The following PHF13 variants were observed in gnomAD, a reference collection of about 807,000 sequenced individuals.
PHF13 encodes PHD finger protein 13, also known as PHD zinc finger protein PHF5.
Under a neutral mutation model 25.8 loss-of-function variants are expected in PHF13, and 1 was observed. The ratio of observed to expected loss-of-function variants is 0.04; its 90% CI spans 0.01 to 0.18. PHF13 has a LOEUF of 0.18. Ranked by LOEUF, PHF13 falls within the 10% of genes least tolerant of loss-of-function variation. PHF13 has a pLI of 1.00. For missense variants in PHF13, 306 were observed against 403.2 expected (o/e 0.76, Z 2.06); for synonymous variants, 195 against 162.4 (o/e 1.20, Z -1.53).
chr1:6,621,924 G>A lies in PHF13; in HGVS notation c.*287G>A. On this transcript the variant is annotated 3_prime_UTR_variant, in exon 4 of 4. Transcript: ENST00000377648. The surrounding 1 kb of genome is among the most constrained non-coding windows in gnomAD (Gnocchi z 4.8). Reference sequence around the variant, plus strand: ...GGCTCATTTGAAAATGAGGGTCCGTGGTAGCTGTGCGTTTTGCTATCATTG... The same window carrying A: ...GGCTCATTTGAAAATGAGGGTCCGTAGTAGCTGTGCGTTTTGCTATCATTG... 1 of 490,526 alleles carries A rather than the reference G, an allele frequency of 2.0e-6. No individual in the cohort carries two copies. The highest frequency in any genetic ancestry group is 3.7e-6 in the Non-Finnish European group (1 of 267,546). 30.4% of individuals were successfully genotyped at this position (490,526 alleles called of 1,614,324 possible).
rs14057 is a variant in PHF13 at position 6,623,180 on chromosome 1, G to A, written c.*1543G>A. On this transcript the variant is annotated 3_prime_UTR_variant, in exon 4 of 4. Transcript: ENST00000377648. ...CACCTTCTCCCACTGAAGCACCAAG[G>A]GGCTTGAACCGTAATTTGGCTAATC... 0.34 allele frequency: 52,028 copies of A among 152,136 alleles called. 9,178 individuals carry two copies. The highest frequency in any genetic ancestry group is 0.49 in the South Asian group (2,349 of 4,822). The allele number at this position is 152,136 out of a possible 1,614,324, so 9.4% of individuals were successfully genotyped here.
Position 6,614,065 on chromosome 1 carries a change from A to G in PHF13, c.-2A>G. Reference sequence around the variant, plus strand: ...CAGCCGCCGCCGCCCCCCGCCCGGAACATGGACTCTGACTCTTGCGCCGCC... The same window carrying G: ...CAGCCGCCGCCGCCCCCCGCCCGGAGCATGGACTCTGACTCTTGCGCCGCC... On this transcript the variant is annotated 5_prime_UTR_variant, in exon 1 of 4. Coordinates refer to ENST00000377648, the MANE Select transcript of PHF13 (RefSeq NM_153812.3). The G allele has an allele frequency of 6.3e-7, 1 of 1,574,834 alleles. No homozygotes were observed. Among genetic ancestry groups the G allele is most frequent in the South Asian group, 1.1e-5 (1 of 89,096 alleles).
rs2148712211 is a variant in PHF13 at position 6,623,991 on chromosome 1, T to TTGAA, written c.*2355_*2356insGAAT. On this transcript the variant is annotated 3_prime_UTR_variant, in exon 4 of 4. Coordinates refer to ENST00000377648, the MANE Select transcript of PHF13 (RefSeq NM_153812.3). ...AAATAAATATATTGCTACTTTGAGGTTCATGATTCAAGGTTCAGGCGATTG... is the reference window on the plus strand; with the variant it reads ...AAATAAATATATTGCTACTTTGAGGTTGAATCATGATTCAAGGTTCAGGCGATTG... 1 of 152,680 alleles carries TTGAA rather than the reference T, an allele frequency of 6.5e-6. No individual in the cohort carries two copies. The highest frequency in any genetic ancestry group is 2.4e-5 in the African/African-American group (1 of 41,558). The allele number at this position is 152,680 out of a possible 1,614,324, so 9.5% of individuals were successfully genotyped here.
chr1:6,616,712 G>A, intron 1 of PHF13, 45 bp from the exon 2 acceptor site: 1 of 1,522,360 alleles, frequency 6.6e-7, no homozygotes, highest in Non-Finnish European at 9.1e-7. Context: ...ATTCCGCCTG[G>A]AAGCCTCTCC....
intron 2 of PHF13, among the ~76,000 whole-genome samples, chr1:6,618,077 G>A (rs961349645): frequency 2.6e-5 from 4 of 151,998 alleles, no homozygotes; most frequent in African/African-American, 4.8e-5. Flanking sequence ...GGAGGAGAGC[G>A]GCTGTGGTGC....
rs371600650 is a variant in PHF13 at position 6,614,063 on chromosome 1, G to C, written c.-4G>C. On this transcript the variant is annotated 5_prime_UTR_variant, in exon 1 of 4. Coordinates refer to ENST00000377648, the MANE Select transcript of PHF13 (RefSeq NM_153812.3). ...CGCAGCCGCCGCCGCCCCCCGCCCG[G>C]AACATGGACTCTGACTCTTGCGCCG... The C allele has an allele frequency of 6.3e-7, 1 of 1,591,810 alleles. No individual in the cohort carries two copies.
At position 6,620,092 on chromosome 1, in the gene PHF13, C is replaced by G. The variant is rs754727803; in HGVS notation, c.431C>G (p.Ala144Gly). The change falls in exon 3 of 4, where the codon GCC (alanine) becomes GGC (glycine). Residue 144 changes from alanine to glycine, a missense_variant. Coordinates refer to ENST00000377648, the MANE Select transcript of PHF13 (RefSeq NM_153812.3). ...AGGGGGGGCTTGCTGAAGCTGGAAG[C>G]CGCTGACCCCTACGTGGAGACCCCC... ...GYRGGLLKLE[A>G]ADPYVETPTS... The G allele has an allele frequency of 1.9e-6, 3 of 1,613,492 alleles. No individual in the cohort carries two copies. The highest frequency in any genetic ancestry group is 3.3e-5 in the Admixed American group (2 of 60,002).
chr1:6,619,728 G>A lies in PHF13; in HGVS notation c.142-75G>A, dbSNP rs1026389357. 7.6e-6 allele frequency: 11 copies of A among 1,441,808 alleles called. No homozygotes were observed. In the African/African-American group the frequency reaches 1.6e-4, roughly 20 times the overall value. The allele number at this position is 1,441,808 out of a possible 1,614,324, so 89.3% of individuals were successfully genotyped here. A position where few individuals can be genotyped will look rare whatever the true frequency, so the allele number is the denominator to read the frequency against. Reference sequence around the variant, plus strand: ...ATGTCTCTGGAGGTCTGACATGGCTGGGTGGCTGGGGATGCTCTGCTCTGG... The same window carrying A: ...ATGTCTCTGGAGGTCTGACATGGCTAGGTGGCTGGGGATGCTCTGCTCTGG... On this transcript the variant is annotated intron_variant, in intron 2 of 3. Coordinates refer to ENST00000377648, the MANE Select transcript of PHF13 (RefSeq NM_153812.3).
intron 2 of PHF13, 91 bp downstream of exon 2, chr1:6,616,949 G>A: frequency 1.8e-6 from 2 of 1,096,940 alleles, no homozygotes; most frequent in Non-Finnish European, 2.8e-6. Flanking sequence ...TGGTCAGAGG[G>A]TCAGTAGGTT....
chr1:6,618,585 T>G (rs1168498979), intron 2 of PHF13, among the ~76,000 whole-genome samples: 3 of 152,226 alleles, frequency 2.0e-5, no homozygotes, highest in Non-Finnish European at 2.9e-5. Flanking sequence ...GCAGGCAAAC[T>G]GCCAGCATTG....
rs774995685 is a variant in PHF13 at position 6,616,872 on chromosome 1, TTTC to T, written c.141+16_141+18del. On this transcript the variant is annotated intron_variant, in intron 2 of 3. Coordinates refer to ENST00000377648, the MANE Select transcript of PHF13 (RefSeq NM_153812.3). ...TATCCGAAGGAGGTAATCTTCTGAGTTTCTGAGACCTTTCTTGATGAGTAGTCA... is the reference window on the plus strand; with the variant it reads ...TATCCGAAGGAGGTAATCTTCTGAGTTGAGACCTTTCTTGATGAGTAGTCA... 6.2e-7 allele frequency: 1 copy of T among 1,607,692 alleles called. No individual in the cohort carries two copies. The highest frequency in any genetic ancestry group is 8.5e-7 in the Non-Finnish European group (1 of 1,174,394).
At position 6,613,907 on chromosome 1, in the gene PHF13, A is replaced by C; in HGVS notation, c.-160A>C. On this transcript the variant is annotated 5_prime_UTR_variant, in exon 1 of 4. Transcript: ENST00000377648. ...CGCCAGTCCGGGGTCACAGAGCTTG[A>C]GAAGCGACGCGCTGAGCCCCCCATC... 1.8e-6 allele frequency: 1 copy of C among 541,040 alleles called. No homozygotes were observed. The highest frequency in any genetic ancestry group is 2.3e-5 in the South Asian group (1 of 43,750). 33.5% of individuals were successfully genotyped at this position (541,040 alleles called of 1,614,324 possible). A position where few individuals can be genotyped will look rare whatever the true frequency, so the allele number is the denominator to read the frequency against.
chr1:6,616,899 C>T, intron 2 of PHF13, 41 bp downstream of exon 2: 2 of 1,558,366 alleles, frequency 1.3e-6, no homozygotes, highest in South Asian at 1.1e-5. Context: ...GATGAGTAGT[C>T]AAACCCAGTG....
chr1:6,615,717 C>T (rs534236095), intron 1 of PHF13, among the ~76,000 whole-genome samples: 4 of 152,356 alleles, frequency 2.6e-5, no homozygotes, highest in Non-Finnish European at 4.4e-5. Context: ...ATAAGAGCTC[C>T]ATCTCTCCGT....
At chr1:6,614,903 C>G (rs1429578140) in intron 1 of PHF13, among the ~76,000 whole-genome samples, 1 of 149,938 alleles carries the variant, frequency 6.7e-6, no homozygotes. Context: ...CGACCGCGGG[C>G]GGGTGGGGGA....
At chr1:6,616,898 T>A (rs371052929) in intron 2 of PHF13, 40 bp downstream of exon 2, 12 of 1,560,354 alleles carry the variant, frequency 7.7e-6, no homozygotes, top group Non-Finnish European at 1.1e-5. Context: ...TGATGAGTAG[T>A]CAAACCCAGT....
At chr1:6,619,739 G>T (rs950815905) in intron 2 of PHF13, 64 bp from the exon 3 acceptor site, 7 of 1,498,356 alleles carry the variant, frequency 4.7e-6, no homozygotes, top group Non-Finnish European at 6.3e-6. Flanking sequence ...GGTGGCTGGG[G>T]ATGCTCTGCT....
chr1:6,614,443 T>A, intron 1 of PHF13: 3 of 275,752 alleles, frequency 1.1e-5, no homozygotes, highest in African/African-American at 2.4e-5. Context: ...CCCGCCGGCC[T>A]GCTTACTCTT....
In PHF13 at chr1:6,622,372, C is replaced by G. The variant is rs923579208; in HGVS notation, c.*735C>G. The G allele has an allele frequency of 5.2e-5, 8 of 153,168 alleles. No individual in the cohort carries two copies. Among genetic ancestry groups the G allele is most frequent in the Admixed American group, 5.2e-4 (8 of 15,374 alleles). The allele number at this position is 153,168 out of a possible 1,614,324, so 9.5% of individuals were successfully genotyped here. A position where few individuals can be genotyped will look rare whatever the true frequency, so the allele number is the denominator to read the frequency against. On this transcript the variant is annotated 3_prime_UTR_variant, in exon 4 of 4. Transcript: ENST00000377648. ...GTTTTGCACGATGTAAAAACCCTGT[C>G]TTTTTGCACGATACAGCCAAAAGTA...
Sources: gnomAD v4.1 joint callset for allele counts (sites outside exome capture counted in the v4.1 genomes callset) on GRCh38, gnomAD v4.1.1 for gene constraint, Gnocchi (gnomAD v3.1) non-coding constraint, MANE v1.5 for transcripts, NCBI Gene and HGNC (gene_info 2026-07-23, HGNC 2026-07-21) for gene names.